ARHGEF10: variants seen among roughly 807,000 people sequenced by gnomAD.
ARHGEF10 encodes the protein Rho guanine nucleotide exchange factor (GEF) 10.
Under a neutral mutation model 147.4 loss-of-function variants are expected in ARHGEF10, and 140 were observed. That is an observed-to-expected ratio of 0.95 (90% confidence interval 0.83 to 1.09). The LOEUF is 1.09. Ranked by LOEUF, ARHGEF10 falls within the 50% of genes least tolerant of loss-of-function variation. The pLI is 0.00. For synonymous variants in ARHGEF10, 902 were observed against 695.8 expected (o/e 1.30, Z -4.67); for missense variants, 2,222 against 1,752.7 (o/e 1.27, Z -4.78).
intron 2 of ARHGEF10, among the ~76,000 whole-genome samples, chr8:1,855,873 G>T (rs538135023): frequency 2.6e-5 from 4 of 151,596 alleles, no homozygotes; most frequent in Admixed American, 1.3e-4. Flanking sequence ...ACTTTAAAAG[G>T]TATTCACCAG....
At chr8:1,922,066 A>G (rs1487020348) in intron 18 of ARHGEF10, among the ~76,000 whole-genome samples, 1 of 152,144 alleles carries the variant, frequency 6.6e-6, no homozygotes, top group Non-Finnish European at 1.5e-5. Context: ...GTCATCAGTC[A>G]GATGGGGAGA....
chr8:1,841,629 G>GCTCATCT, intron 1 of ARHGEF10, among the ~76,000 whole-genome samples: 1 of 152,026 alleles, frequency 6.6e-6, no homozygotes, highest in Middle Eastern at 3.4e-3. Context: ...TGGCTCGTCT[G>GCTCATCT]CTCATCTCTC....
Position 1,896,284 on chromosome 8 carries a change from G to C in ARHGEF10, c.1441-49G>C, listed in dbSNP as rs770140080. The C allele has an allele frequency of 5.5e-6, 7 of 1,278,110 alleles. No individual in the cohort carries two copies. In the South Asian group the frequency reaches 8.3e-5, roughly 15 times the overall value. 79.2% of individuals were successfully genotyped at this position (1,278,110 alleles called of 1,614,324 possible). On this transcript the variant is annotated intron_variant, in intron 13 of 28. Transcript: ENST00000349830. Reference sequence around the variant, plus strand: ...AATCTTCTGTTTTATGTTGGAAAAGGGATATCTGGACTCTGTGATTTCTCT... The same window carrying C: ...AATCTTCTGTTTTATGTTGGAAAAGCGATATCTGGACTCTGTGATTTCTCT...
At chr8:1,924,756 A>G (rs1453966614) in intron 21 of ARHGEF10, among the ~76,000 whole-genome samples, 2 of 152,220 alleles carry the variant, frequency 1.3e-5, no homozygotes, top group Admixed American at 6.5e-5. Flanking sequence ...AAAGAGAATG[A>G]GCTGAACGTG....
At chr8:1,896,828 G>A (rs922715826) in intron 14 of ARHGEF10, among the ~76,000 whole-genome samples, 1 of 152,210 alleles carries the variant, frequency 6.6e-6, no homozygotes, top group Non-Finnish European at 1.5e-5. Context: ...CCGGCCTGGA[G>A]AGTCAGAGCC....
chr8:1,890,987 T>C (rs1473792793), intron 11 of ARHGEF10, among the ~76,000 whole-genome samples: 1 of 152,158 alleles, frequency 6.6e-6, no homozygotes, highest in Non-Finnish European at 1.5e-5. Context: ...TCTCAGTTAC[T>C]TTTGTCTAGT....
At chr8:1,843,316 C>A in intron 1 of ARHGEF10, 37 bp from the exon 2 acceptor site, 3 of 1,557,712 alleles carry the variant, frequency 1.9e-6, no homozygotes, top group Non-Finnish European at 2.6e-6. Context: ...TGTTTATCCA[C>A]CTGAACGGTG....
chr8:1,859,835 G>C (rs1805944880), intron 3 of ARHGEF10, 62 bp from the exon 4 acceptor site: 1 of 1,578,440 alleles, frequency 6.3e-7, no homozygotes, highest in East Asian at 2.2e-5. Context: ...TGCGCTCCAG[G>C]AGGGCATGCC....
intron 2 of ARHGEF10, among the ~76,000 whole-genome samples, chr8:1,850,452 T>G (rs563439077): frequency 2.7e-4 from 40 of 146,080 alleles, no homozygotes; most frequent in Middle Eastern, 3.6e-3. Flanking sequence ...GAGGAGGGTG[T>G]GGGGCAACCG....
At chr8:1,954,452 C>T (rs963233172) in intron 28 of ARHGEF10, among the ~76,000 whole-genome samples, 3 of 147,920 alleles carry the variant, frequency 2.0e-5, no homozygotes, top group Non-Finnish European at 4.5e-5. Context: ...CCGGCAAGTG[C>T]AATGCAAATA....
intron 26 of ARHGEF10, among the ~76,000 whole-genome samples, chr8:1,940,283 T>C (rs1408208979): frequency 6.6e-6 from 1 of 152,226 alleles, no homozygotes; most frequent in Non-Finnish European, 1.5e-5. Flanking sequence ...GGGAGTAATT[T>C]CTGCTTTATT....
chr8:1,882,959 C>T (rs1215585755), intron 10 of ARHGEF10, among the ~76,000 whole-genome samples: 2 of 152,318 alleles, frequency 1.3e-5, no homozygotes, highest in East Asian at 3.9e-4. Context: ...GGGCACCCAG[C>T]AGCAGAGAAT....
At position 1,928,664 on chromosome 8, in the gene ARHGEF10, A is replaced by C. The variant is rs1292380410; in HGVS notation, c.2921+14A>C. 7 of 1,613,424 alleles carry C rather than the reference A, an allele frequency of 4.3e-6. No individual in the cohort carries two copies. The highest frequency in any genetic ancestry group is 5.1e-6 in the Non-Finnish European group (6 of 1,179,806). ...GGAGGAGGGAAGGTAGGGCATGCTCACTGCGTTACAGAGAATTAGCAAGCT... is the reference window on the plus strand; with the variant it reads ...GGAGGAGGGAAGGTAGGGCATGCTCCCTGCGTTACAGAGAATTAGCAAGCT... On this transcript the variant is annotated intron_variant, in intron 24 of 28. Transcript: ENST00000349830.
At chr8:1,827,007 C>T (rs1458678807) in intron 1 of ARHGEF10, among the ~76,000 whole-genome samples, 2 of 152,190 alleles carry the variant, frequency 1.3e-5, no homozygotes, top group African/African-American at 4.8e-5. Flanking sequence ...GGCCCAGGGG[C>T]TGCCAAGGGT....
chr8:1,868,096 G>T lies in ARHGEF10; in HGVS notation c.623-1098G>T, dbSNP rs1273667450. ...ATTTGGAAATATGATCTCTAAACTA[G>T]CAGTCTCTGAACATTATCTAAGAGG... On this transcript the variant is annotated intron_variant, in intron 6 of 28. Coordinates refer to ENST00000349830, the MANE Select transcript of ARHGEF10 (RefSeq NM_014629.4). 2.0e-5 allele frequency among the ~76,000 whole-genome samples: 3 copies of T among 152,162 alleles called. No homozygotes were observed. The South Asian group carries it at 6.2e-4, about 31-fold the overall frequency.
chr8:1,861,077 T>G (rs990631357), intron 4 of ARHGEF10, among the ~76,000 whole-genome samples: 12 of 152,202 alleles, frequency 7.9e-5, no homozygotes, highest in Non-Finnish European at 1.6e-4. Flanking sequence ...GAGCGAGGAC[T>G]GTGGGTGCCC....
At chr8:1,914,480 A>C (rs922026668) in intron 18 of ARHGEF10, among the ~76,000 whole-genome samples, 1 of 152,236 alleles carries the variant, frequency 6.6e-6, no homozygotes, top group Non-Finnish European at 1.5e-5. Flanking sequence ...CTGGTCTCCA[A>C]CGTGTCCTCT....
chr8:1,832,620 GCAGAGAGAGACAGAGGCAGAGGCAGAGA>G (rs1803220975), intron 1 of ARHGEF10, among the ~76,000 whole-genome samples: 1 of 82,130 alleles, frequency 1.2e-5, no homozygotes, highest in African/African-American at 6.0e-5. Flanking sequence ...AGAGACAGAG[GCAGAGAGAGACAGAGGCAGAGGCAGAGA>G]CAGAGAGAGA....
chr8:1,835,512 C>G (rs1378501706), intron 1 of ARHGEF10, among the ~76,000 whole-genome samples: 1 of 152,180 alleles, frequency 6.6e-6, no homozygotes, highest in African/African-American at 2.4e-5. Flanking sequence ...GTGACTTCCT[C>G]CCACGCAGGA....
Sources: gnomAD v4.1 joint callset for allele counts (sites outside exome capture counted in the v4.1 genomes callset) on GRCh38, gnomAD v4.1.1 for gene constraint, MANE v1.5 for transcripts, NCBI Gene and HGNC (gene_info 2026-07-23, HGNC 2026-07-21) for gene names.